The following LRRC4C variants were observed in gnomAD, a reference collection of about 807,000 sequenced individuals.
LRRC4C encodes the protein leucine rich repeat containing 4C.
Under a neutral mutation model 33.6 loss-of-function variants are expected in LRRC4C, and 5 were observed. That is an observed-to-expected ratio of 0.15 (90% CI 0.08 to 0.31). The LOEUF (loss-of-function observed/expected upper bound fraction) is 0.31, where lower values mean the gene tolerates loss of function less well. LRRC4C is among the 10% of genes least tolerant of loss of function. The probability of loss-of-function intolerance (pLI) is 1.00; values close to 1 mark genes in which losing one functional copy is unlikely to be tolerated. For missense variants in LRRC4C, 560 were observed against 796.7 expected, an observed-to-expected ratio of 0.70 and a Z score of 3.58; for synonymous variants, 329 against 302.0, an observed-to-expected ratio of 1.09 and a Z score of -0.93.
At chr11:40,205,418 A>G (rs1863072587) in intron 5 of LRRC4C, among the ~76,000 whole-genome samples, 1 of 152,166 alleles carries the variant, frequency 6.6e-6, no homozygotes, top group South Asian at 2.1e-4. Context: ...CTTTTATCTC[A>G]TTAAAACCCT....
intron 2 of LRRC4C, among the ~76,000 whole-genome samples, chr11:40,741,413 T>C (rs1948152679): frequency 6.6e-6 from 1 of 151,984 alleles, no homozygotes; most frequent in Non-Finnish European, 1.5e-5. Flanking sequence ...CCCTTAGAAG[T>C]CCACTGGATG....
chr11:41,258,255 T>C (rs1780844181), intron 1 of LRRC4C, among the ~76,000 whole-genome samples: 2 of 151,976 alleles, frequency 1.3e-5, no homozygotes, highest in South Asian at 4.1e-4. Flanking sequence ...GCTTACATTA[T>C]ATATTTGGTA....
chr11:40,393,941 G>GA (rs932864885), intron 3 of LRRC4C, among the ~76,000 whole-genome samples: 3 of 151,334 alleles, frequency 2.0e-5, no homozygotes, highest in Non-Finnish European at 2.9e-5. Context: ...ACTCTTAAGA[G>GA]AAAAAAAATG....
chr11:40,690,653 G>A (rs1945181627), intron 2 of LRRC4C, among the ~76,000 whole-genome samples: 1 of 151,962 alleles, frequency 6.6e-6, no homozygotes, highest in Non-Finnish European at 1.5e-5. Context: ...ACCTCTACAT[G>A]TTTATGCAAT....
intron 3 of LRRC4C, among the ~76,000 whole-genome samples, chr11:40,355,142 G>C (rs989021120): frequency 3.3e-5 from 5 of 152,150 alleles, no homozygotes; most frequent in Admixed American, 2.0e-4. Context: ...GGAGGGGTCT[G>C]AGGGCTCAGC....
intron 1 of LRRC4C, among the ~76,000 whole-genome samples, chr11:41,018,850 C>T (rs899827475): frequency 1.3e-5 from 2 of 152,038 alleles, no homozygotes; most frequent in Non-Finnish European, 2.9e-5. Context: ...AGACCATTTT[C>T]GGGTTGAAAC....
intron 1 of LRRC4C, among the ~76,000 whole-genome samples, chr11:41,189,051 A>C (rs2136200384): frequency 6.6e-6 from 1 of 152,228 alleles, no homozygotes; most frequent in Non-Finnish European, 1.5e-5. Flanking sequence ...CTATGGTCAA[A>C]AGACTGACTC....
intron 3 of LRRC4C, among the ~76,000 whole-genome samples, chr11:40,385,411 T>C (rs1271201901): frequency 1.3e-5 from 2 of 152,204 alleles, no homozygotes; most frequent in African/African-American, 4.8e-5. Context: ...TAAACATATG[T>C]CAAATGATTA....
intron 2 of LRRC4C, among the ~76,000 whole-genome samples, chr11:40,812,568 G>A (rs1951535138): frequency 6.6e-6 from 1 of 152,058 alleles, no homozygotes; most frequent in Non-Finnish European, 1.5e-5. Flanking sequence ...GAGCATTTAA[G>A]AGATATTATG....
At chr11:40,573,807 C>A (rs1958075725) in intron 3 of LRRC4C, among the ~76,000 whole-genome samples, 1 of 152,202 alleles carries the variant, frequency 6.6e-6, no homozygotes, top group Admixed American at 6.6e-5. Context: ...GATAGATAAC[C>A]TAAGACCTCA....
chr11:41,424,705 T>G lies in LRRC4C; in HGVS notation c.-496+34726A>C, dbSNP rs137998166. On this transcript the variant is annotated intron_variant, in intron 1 of 6. Transcript: ENST00000528697. ...TGTGTATAATTTATGTGCTTAGAGGTTAATCAGGTAGTAATATAATACGCA... is the reference window on the plus strand; with the variant it reads ...TGTGTATAATTTATGTGCTTAGAGGGTAATCAGGTAGTAATATAATACGCA... Among the ~76,000 whole-genome samples, 898 of 152,204 alleles carry G rather than the reference T, an allele frequency of 5.9e-3. 9 individuals are homozygous for G. The highest frequency in any genetic ancestry group is 0.021 in the African/African-American group (861 of 41,558).
chr11:40,901,258 TTTAA>T (rs1262935969), intron 2 of LRRC4C, among the ~76,000 whole-genome samples: 3 of 152,086 alleles, frequency 2.0e-5, no homozygotes, highest in African/African-American at 4.8e-5. Flanking sequence ...CTTGAATATG[TTTAA>T]TTGTCATTCT....
At chr11:41,164,403 C>A (rs941250466) in intron 1 of LRRC4C, among the ~76,000 whole-genome samples, 1 of 151,930 alleles carries the variant, frequency 6.6e-6, no homozygotes, top group Non-Finnish European at 1.5e-5. Flanking sequence ...GAGGAACCTG[C>A]CTGAGGCTGT....
At chr11:41,385,673 TA>T (rs1407374354) in intron 1 of LRRC4C, among the ~76,000 whole-genome samples, 1 of 151,238 alleles carries the variant, frequency 6.6e-6, no homozygotes, top group East Asian at 1.9e-4. Context: ...TTAAAAACAC[TA>T]AAAATCTAAA....
intron 1 of LRRC4C, among the ~76,000 whole-genome samples, chr11:41,208,933 A>C (rs559699137): frequency 1.3e-5 from 2 of 152,202 alleles, no homozygotes; most frequent in East Asian, 1.9e-4. Flanking sequence ...GAGAGCTGAG[A>C]AGGTGGGGCT....
intron 3 of LRRC4C, among the ~76,000 whole-genome samples, chr11:40,506,185 T>G (rs1447175102): frequency 6.6e-6 from 1 of 152,208 alleles, no homozygotes; most frequent in African/African-American, 2.4e-5. Flanking sequence ...TACCAGTTAA[T>G]TCAGTTTATT....
intron 2 of LRRC4C, among the ~76,000 whole-genome samples, chr11:40,886,227 A>T (rs564745809): frequency 6.6e-6 from 1 of 152,182 alleles, no homozygotes; most frequent in Admixed American, 6.6e-5. Context: ...TACTGCCAAA[A>T]ATTTCAGTGG....
chr11:40,939,806 C>T (rs779274448), intron 1 of LRRC4C, among the ~76,000 whole-genome samples: 3 of 152,128 alleles, frequency 2.0e-5, no homozygotes, highest in Non-Finnish European at 4.4e-5. Context: ...AATTTGGAAA[C>T]AGTCCAACTC....
At chr11:40,772,646 T>A (rs1272200622) in intron 2 of LRRC4C, among the ~76,000 whole-genome samples, 1 of 152,174 alleles carries the variant, frequency 6.6e-6, no homozygotes, top group Non-Finnish European at 1.5e-5. Flanking sequence ...AAAACTACAT[T>A]GAGATATCAT....
Sources: gnomAD v4.1 joint callset for allele counts (sites outside exome capture counted in the v4.1 genomes callset) on GRCh38, gnomAD v4.1.1 for gene constraint, MANE v1.5 for transcripts, NCBI Gene and HGNC (gene_info 2026-07-23, HGNC 2026-07-21) for gene names.